Variants in OSBP2 observed in about 807,000 individuals in gnomAD.
The protein encoded by OSBP2 is oxysterol binding protein 2, also known as oxysterol-binding protein 2.
In OSBP2, 66 loss-of-function variants were observed where a neutral mutation model predicts 96.0. The ratio of observed to expected loss-of-function variants is 0.69; its 90% CI spans 0.56 to 0.84. OSBP2 has a LOEUF of 0.84. Among genes scored for constraint, OSBP2 ranks in the 40% least tolerant of loss-of-function variants. OSBP2 has a pLI of 0.00. For synonymous variants in OSBP2, 525 were observed against 520.9 expected (o/e 1.01, Z -0.11); for missense variants, 1,038 against 1,222.7 (o/e 0.85, Z 2.25).
At chr22:30,726,949 C>G (rs5997743) in intron 1 of OSBP2, among the ~76,000 whole-genome samples, 15,446 of 152,186 alleles carry the variant, frequency 0.1, 900 homozygotes, top group Middle Eastern at 0.13. Context: ...GTGGCACCAT[C>G]TGACTAACTT....
At chr22:30,822,691 C>T in intron 2 of OSBP2, 1 of 1,533,748 alleles carries the variant, frequency 6.5e-7, no homozygotes, top group African/African-American at 1.4e-5. Context: ...CTCCGGCTGC[C>T]TGAATAAATT....
At chr22:30,705,338 G>C (rs940603964) in intron 1 of OSBP2, among the ~76,000 whole-genome samples, 5 of 152,036 alleles carry the variant, frequency 3.3e-5, no homozygotes, top group Non-Finnish European at 7.4e-5. Context: ...TTGTTACCCA[G>C]GTTGGAGTGC....
At chr22:30,872,199 G>A (rs1227162088) in intron 3 of OSBP2, 10 of 455,718 alleles carry the variant, frequency 2.2e-5, no homozygotes, top group Non-Finnish European at 4.4e-5. Context: ...CAGGCCCACT[G>A]TCCTCCTTAC....
At chr22:30,775,705 C>G (rs749363127) in intron 2 of OSBP2, among the ~76,000 whole-genome samples, 1 of 152,138 alleles carries the variant, frequency 6.6e-6, no homozygotes, top group Non-Finnish European at 1.5e-5. Flanking sequence ...GTTCAAATAC[C>G]TAATTATAAA....
chr22:30,788,231 C>T (rs572370238), intron 2 of OSBP2, among the ~76,000 whole-genome samples: 1 of 152,162 alleles, frequency 6.6e-6, no homozygotes, highest in African/African-American at 2.4e-5. Flanking sequence ...AAAGCGTCTT[C>T]TCCTGCTGAG....
intron 2 of OSBP2, among the ~76,000 whole-genome samples, chr22:30,825,531 G>A (rs897319780): frequency 1.3e-5 from 2 of 152,208 alleles, no homozygotes; most frequent in Admixed American, 1.3e-4. Context: ...GGGCAACAAT[G>A]GGGGAAGCAC....
At position 30,714,547 on chromosome 22, in the gene OSBP2, T is replaced by C. The variant is rs190869416; in HGVS notation, c.644+18994T>C. ...CCAAAATGTTTTCATCCTGCAAATA[T>C]GAAACTCTATGTTCATTGGACAACT... On this transcript the variant is annotated intron_variant, in intron 1 of 13. Coordinates refer to ENST00000332585, the MANE Select transcript of OSBP2 (RefSeq NM_030758.4). Among the ~76,000 whole-genome samples the C allele has an allele frequency of 2.4e-4, 37 of 152,294 alleles. No homozygotes were observed. In the East Asian group the frequency reaches 6.9e-3, roughly 29 times the overall value.
chr22:30,887,165 C>G (rs987316906), intron 3 of OSBP2, among the ~76,000 whole-genome samples: 1 of 152,170 alleles, frequency 6.6e-6, no homozygotes, highest in Non-Finnish European at 1.5e-5. Context: ...AGAGGTCACT[C>G]TCGTCGCCAT....
At chr22:30,883,958 A>G (rs2039756189) in intron 3 of OSBP2, among the ~76,000 whole-genome samples, 1 of 151,868 alleles carries the variant, frequency 6.6e-6, no homozygotes, top group Admixed American at 6.6e-5. Context: ...CCGCTGTAGG[A>G]CTCCAGGTGG....
chr22:30,862,134 G>C (rs2039224049), intron 2 of OSBP2, among the ~76,000 whole-genome samples: 1 of 152,332 alleles, frequency 6.6e-6, no homozygotes, highest in East Asian at 1.9e-4. Context: ...AGACCTCGCA[G>C]ACTCTCCTTC....
At chr22:30,837,793 A>G (rs1307313507) in intron 2 of OSBP2, among the ~76,000 whole-genome samples, 1 of 152,156 alleles carries the variant, frequency 6.6e-6, no homozygotes, top group East Asian at 1.9e-4. Context: ...CTAAATCTTG[A>G]TGCCAGCATT....
intron 2 of OSBP2, among the ~76,000 whole-genome samples, chr22:30,856,373 CTTTTTTTTTTTT>C (rs56875088): frequency 2.0e-5 from 2 of 101,432 alleles, no homozygotes; most frequent in African/African-American, 7.2e-5. Context: ...CAGAGCCCTT[CTTTTTTTTTTTT>C]TTTTTTTTTT....
intron 1 of OSBP2, among the ~76,000 whole-genome samples, chr22:30,732,845 C>T (rs2089799497): frequency 3.9e-5 from 6 of 152,176 alleles, no homozygotes; most frequent in Admixed American, 3.3e-4. Context: ...TTGTCAGGCT[C>T]GCTGCCCCCT....
intron 2 of OSBP2, among the ~76,000 whole-genome samples, chr22:30,747,222 A>C (rs532160175): frequency 2.0e-5 from 3 of 152,346 alleles, no homozygotes; most frequent in Admixed American, 6.5e-5. Context: ...GGGAGATGGG[A>C]AGTGACAGCT....
intron 3 of OSBP2, among the ~76,000 whole-genome samples, chr22:30,878,918 G>A (rs1420285221): frequency 1.3e-5 from 2 of 152,168 alleles, no homozygotes; most frequent in Non-Finnish European, 1.5e-5. Flanking sequence ...AAGTATGAGG[G>A]GGAAGTAGGA....
intron 3 of OSBP2, among the ~76,000 whole-genome samples, chr22:30,875,606 AG>A (rs2039562542): frequency 6.6e-6 from 1 of 152,092 alleles, no homozygotes; most frequent in African/African-American, 2.4e-5. Flanking sequence ...TCCCGACTGC[AG>A]GTAATCCGCC....
chr22:30,826,035 G>A (rs531262336), intron 2 of OSBP2, among the ~76,000 whole-genome samples: 3 of 152,182 alleles, frequency 2.0e-5, no homozygotes, highest in East Asian at 1.9e-4. Flanking sequence ...ACGGTGCATC[G>A]GCCTCTGTGA....
Position 30,695,243 on chromosome 22 carries a change from T to C in OSBP2, c.334T>C (p.Ser112Pro), listed in dbSNP as rs1043177990. ...QGSRPGSESS[S>P]GVGAGPFTKA... ...GTCGCGGCCGGGGTCAGAGTCAAGC[T>C]CAGGTGTAGGGGCTGGGCCCTTCAC... Residue 112 changes from serine (S) to proline (P), a missense_variant, in exon 1 of 14, where the codon TCA becomes CCA. This residue lies in a region of OSBP2 where 281 missense variants were observed against 273.4 expected (regional missense o/e 1.03). Transcript: ENST00000332585. 7 of 1,613,454 alleles carry C rather than the reference T, an allele frequency of 4.3e-6. No individual in the cohort carries two copies. The highest frequency in any genetic ancestry group is 5.9e-6 in the Non-Finnish European group (7 of 1,179,912).
intron 2 of OSBP2, among the ~76,000 whole-genome samples, chr22:30,814,016 G>A (rs1331198354): frequency 6.6e-6 from 1 of 152,022 alleles, no homozygotes; most frequent in Non-Finnish European, 1.5e-5. Flanking sequence ...TGACCAGGCT[G>A]GTCTCGAACT....
Sources: gnomAD v4.1 joint callset for allele counts (sites outside exome capture counted in the v4.1 genomes callset) on GRCh38, gnomAD v4.1.1 for gene constraint, gnomAD v4.1.1 regional missense constraint, MANE v1.5 for transcripts, NCBI Gene and HGNC (gene_info 2026-07-23, HGNC 2026-07-21) for gene names.